Variants in RBM23 observed in about 807,000 individuals in gnomAD.
RBM23 encodes RNA binding motif protein 23.
Under a neutral mutation model 56.2 loss-of-function variants are expected in RBM23, and 53 were observed. That is an observed-to-expected ratio of 0.94 (90% CI 0.76 to 1.19). RBM23 has a LOEUF of 1.19. Ranked by LOEUF, RBM23 falls within the 50% of genes most tolerant of loss-of-function variation. RBM23 has a pLI of 0.00. For synonymous variants in RBM23, 197 were observed against 198.5 expected, an observed-to-expected ratio of 0.99 and a Z score of 0.06; for missense variants, 642 against 590.3, an observed-to-expected ratio of 1.09 and a Z score of -0.91.
intron 1 of RBM23, among the ~76,000 whole-genome samples, chr14:22,914,751 G>A (rs1192770298): frequency 1.3e-5 from 2 of 152,098 alleles, no homozygotes; most frequent in Non-Finnish European, 2.9e-5. Context: ...GGGAGGCCAA[G>A]GTGGGTGGAT....
At chr14:22,912,837 TAAAAATACAAAAATTA>T (rs1344991321) in intron 1 of RBM23, among the ~76,000 whole-genome samples, 4 of 151,004 alleles carry the variant, frequency 2.6e-5, no homozygotes, top group African/African-American at 9.7e-5. Context: ...CCGTCTCTAC[TAAAAATACAAAAATTA>T]GCTGGACGTG....
chr14:22,909,173 C>T (rs1446112301), intron 3 of RBM23, among the ~76,000 whole-genome samples: 2 of 152,070 alleles, frequency 1.3e-5, no homozygotes, highest in Non-Finnish European at 2.9e-5. Flanking sequence ...GAACTCCTGA[C>T]CTCAGGTGAT....
rs1316786708 is a variant in RBM23, at chr14:22,896,982, G to T, written c.*4748C>A. The T allele has an allele frequency of 1.3e-5, 2 of 152,196 alleles. No individual in the cohort carries two copies. Among genetic ancestry groups the T allele is most frequent in the African/African-American group, 2.4e-5 (1 of 41,446 alleles). The allele number at this position is 152,196 out of a possible 1,614,324, so 9.4% of individuals were successfully genotyped here. On this transcript the variant is annotated 3_prime_UTR_variant, in exon 14 of 14. Transcript: ENST00000359890. ...GGTTGCCATGGAAACATCAGTCTCTGGTGGATGGCAAGCAGCACTTTAGAA... is the reference window on the plus strand; with the variant it reads ...GGTTGCCATGGAAACATCAGTCTCTTGTGGATGGCAAGCAGCACTTTAGAA...
Position 22,902,336 on chromosome 14 carries a change from C to T in RBM23, c.977G>A (p.Gly326Glu), listed in dbSNP as rs1304643580. The T allele has an allele frequency of 1.2e-6, 2 of 1,614,118 alleles. No individual in the cohort carries two copies. The highest frequency in any genetic ancestry group is 1.7e-6 in the Non-Finnish European group (2 of 1,179,980). Residue 326 changes from glycine (G) to glutamate (E), a missense_variant, in exon 11 of 14, where the codon GGG becomes GAG. Gly to Glu is a moderately conservative substitution (Grantham distance 98, BLOSUM62 -2). Coordinates refer to ENST00000359890, the MANE Select transcript of RBM23 (RefSeq NM_001077351.2). Reference protein sequence around the residue: ...CARRALEQLNGFELAGRPMRV... With the variant: ...CARRALEQLNEFELAGRPMRV... ...CATAGGTCGACCAGCAAGCTCAAAC[C>T]CATTCAACTGTTCCAGGGCCCGCCG...
intron 10 of RBM23, chr14:22,903,629 G>A (rs2041004256): frequency 1.0e-6 from 1 of 1,000,128 alleles, no homozygotes; most frequent in African/African-American, 1.7e-5. Flanking sequence ...TATGCTGCCT[G>A]GTTTAAGCCC....
intron 2 of RBM23, among the ~76,000 whole-genome samples, chr14:22,911,124 G>C (rs867307954): frequency 6.6e-6 from 1 of 152,208 alleles, no homozygotes. Context: ...TGCCCACTCC[G>C]GTTTCTGAGG....
chr14:22,905,195 T>C lies in RBM23; in HGVS notation c.625A>G (p.Ile209Val), dbSNP rs771754793. ...ATTTCACAGAATTCCACGTAGGCAA[T>C]GCCCTTAGAACGACGTGAGTTCCGA... The part of the protein sequence containing the change: ...SDRNSRRSKG[I>V]AYVEFCEIQS... Residue 209 changes from isoleucine (I) to valine (V), a missense_variant, in exon 8 of 14, where the codon ATT (isoleucine) becomes GTT (valine). Ile to Val is a conservative substitution (Grantham distance 29). Coordinates refer to ENST00000359890, the MANE Select transcript of RBM23 (RefSeq NM_001077351.2). 1 of 1,614,210 alleles carries C rather than the reference T, an allele frequency of 6.2e-7. No homozygotes were observed. Among genetic ancestry groups the C allele is most frequent in the East Asian group, 2.2e-5 (1 of 44,890 alleles).
chr14:22,910,849 A>G (rs372613937), intron 2 of RBM23, among the ~76,000 whole-genome samples: 1 of 152,200 alleles, frequency 6.6e-6, no homozygotes, highest in Non-Finnish European at 1.5e-5. Flanking sequence ...CGTCTCTACT[A>G]AAAATACAAA....
intron 5 of RBM23, 59 bp from the exon 6 acceptor site, chr14:22,905,718 C>G: frequency 7.5e-7 from 1 of 1,331,754 alleles, no homozygotes; most frequent in Non-Finnish European, 1.1e-6. Context: ...AATGCTGGGT[C>G]TTCCATGGTG....
Position 22,905,456 on chromosome 14 carries a change from G to T in RBM23, c.456-3C>A. 7 of 1,614,050 alleles carry T rather than the reference G, an allele frequency of 4.3e-6. No individual in the cohort carries two copies. Among genetic ancestry groups the T allele is most frequent in the Non-Finnish European group, 5.1e-6 (6 of 1,179,920 alleles). Reference sequence around the variant, plus strand: ...GACTCAGATTATCAACTGGCTCCCTGAAGAGTGAAATGTGTTGAGACCAGC... The same window carrying T: ...GACTCAGATTATCAACTGGCTCCCTTAAGAGTGAAATGTGTTGAGACCAGC... On this transcript the variant is annotated splice_region_variant and splice_polypyrimidine_tract_variant and intron_variant, in intron 6 of 13. Transcript: ENST00000359890.
At position 22,901,707 on chromosome 14, in the gene RBM23, A is replaced by T. The variant is rs1225266530; in HGVS notation, c.*23T>A. 1 of 1,610,892 alleles carries T rather than the reference A, an allele frequency of 6.2e-7. No individual in the cohort carries two copies. Among genetic ancestry groups the T allele is most frequent in the Admixed American group, 1.7e-5 (1 of 60,016 alleles). ...AGTGGCAGGATCCAGAGGCACAAGGAGGCAGTATACTGTGCCACTGATTTA... is the reference window on the plus strand; with the variant it reads ...AGTGGCAGGATCCAGAGGCACAAGGTGGCAGTATACTGTGCCACTGATTTA... On this transcript the variant is annotated 3_prime_UTR_variant, in exon 14 of 14. Coordinates refer to ENST00000359890, the MANE Select transcript of RBM23 (RefSeq NM_001077351.2).
At chr14:22,910,785 G>T (rs2042378185) in intron 2 of RBM23, among the ~76,000 whole-genome samples, 1 of 152,204 alleles carries the variant, frequency 6.6e-6, no homozygotes, top group Non-Finnish European at 1.5e-5. Context: ...GGCCAAGGTG[G>T]GTGGATCATA....
At chr14:22,902,546 G>C (rs2040747572) in intron 10 of RBM23, 164 bp from the exon 11 acceptor site, 3 of 1,337,618 alleles carry the variant, frequency 2.2e-6, no homozygotes, top group Admixed American at 3.4e-5. Flanking sequence ...CCTCAAAATG[G>C]TTCTCTGAAA....
intron 4 of RBM23, among the ~76,000 whole-genome samples, chr14:22,907,644 G>C (rs1190308337): frequency 6.6e-6 from 1 of 152,198 alleles, no homozygotes; most frequent in Non-Finnish European, 1.5e-5. Context: ...AAGTAATGAT[G>C]TCACTGATTC....
chr14:22,901,792 T>A (rs747330054), intron 13 of RBM23, 22 bp downstream of exon 13: 1 of 1,613,930 alleles, frequency 6.2e-7, no homozygotes, highest in Non-Finnish European at 8.5e-7. Flanking sequence ...AAGGCTAGAA[T>A]GAGCTAGACC....
At position 22,898,675 on chromosome 14, in the gene RBM23, A is replaced by G. The variant is rs2040287969; in HGVS notation, c.*3055T>C. 3 of 151,964 alleles carry G rather than the reference A, an allele frequency of 2.0e-5. No individual in the cohort carries two copies. Among genetic ancestry groups the G allele is most frequent in the Admixed American group, 2.0e-4 (3 of 15,236 alleles). 9.4% of individuals were successfully genotyped at this position (151,964 alleles called of 1,614,324 possible). On this transcript the variant is annotated 3_prime_UTR_variant, in exon 14 of 14. Transcript: ENST00000359890. ...GCAAGAGGCTATGTGAGGAACTAAG[A>G]ACAAGAAAGAACTGAGGTGGAAGGA...
chr14:22,908,262 C>T (rs1462546203), intron 4 of RBM23, 71 bp downstream of exon 4: 13 of 1,508,528 alleles, frequency 8.6e-6, no homozygotes, highest in Non-Finnish European at 1.2e-5. Flanking sequence ...CTGAAGTGAT[C>T]CTCCCGCCTT....
chr14:22,902,759 T>TCG (rs2040813409), intron 10 of RBM23: 2 of 524,130 alleles, frequency 3.8e-6, no homozygotes, highest in African/African-American at 8.9e-5. Context: ...TTTTAGTCTT[T>TCG]TTTTTTTTTT....
Position 22,904,964 on chromosome 14 carries a change from T to G in RBM23, c.775A>C (p.Asn259His), listed in dbSNP as rs1208255267. Residue 259 changes from asparagine (N) to histidine (H), a missense_variant, in exon 9 of 14, where the codon AAT becomes CAT. Asn to His is a moderately conservative substitution (Grantham distance 68). Coordinates refer to ENST00000359890, the MANE Select transcript of RBM23 (RefSeq NM_001077351.2). ...AAMANNLQKGNGGPMRLYVGS... is the reference protein window; with the variant it reads ...AAMANNLQKGHGGPMRLYVGS... ...ACATAGAGGCGCATTGGTCCACCAT[T>G]GCCCTTTTGCAGGTTGTTGGCCATG... is the stretch of plus-strand genomic sequence containing the variant. 1.9e-6 allele frequency: 3 copies of G among 1,614,112 alleles called. No individual in the cohort carries two copies. Among genetic ancestry groups the G allele is most frequent in the Admixed American group, 3.3e-5 (2 of 60,004 alleles).
Sources: allele counts gnomAD v4.1 joint callset (sites outside exome capture counted in the v4.1 genomes callset), GRCh38; gene constraint gnomAD v4.1.1; transcripts MANE v1.5; gene names NCBI Gene and HGNC (gene_info 2026-07-23, HGNC 2026-07-21).